The following HPGDS variants were observed in gnomAD, a reference collection of about 807,000 sequenced individuals.
The protein encoded by HPGDS is hematopoietic prostaglandin D synthase.
In HPGDS, 26 loss-of-function variants were observed where a neutral mutation model predicts 23.1. The ratio of observed to expected loss-of-function variants is 1.13; its 90% CI spans 0.83 to 1.56. HPGDS has a LOEUF of 1.56. HPGDS is among the 40% of genes most tolerant of loss of function. The pLI is 0.00. For synonymous variants in HPGDS, 95 were observed against 77.9 expected, an observed-to-expected ratio of 1.22 and a Z score of -1.16; for missense variants, 268 against 236.4, an observed-to-expected ratio of 1.13 and a Z score of -0.88.
chr4:94,311,619 C>T (rs1441746139), intron 3 of HPGDS, among the ~76,000 whole-genome samples: 1 of 151,176 alleles, frequency 6.6e-6, no homozygotes, highest in Non-Finnish European at 1.5e-5. Context: ...TGTGTCTCTG[C>T]CAGGCTTTGG....
chr4:94,325,315 G>T (rs1431321129), intron 2 of HPGDS, among the ~76,000 whole-genome samples: 1 of 152,210 alleles, frequency 6.6e-6, no homozygotes, highest in Non-Finnish European at 1.5e-5. Flanking sequence ...TCTCTTCAGA[G>T]CTGTCAGACA....
rs545635413 is a variant in HPGDS at position 94,299,570 on chromosome 4, G to A, written c.510C>T (p.Asn170=). Reference sequence around the variant, plus strand: ...TCCGTAAAGTCACCAGCCTTGGATGGTTGTCTAACAGGTCAGGCTTAAAGA... The same window carrying A: ...TCCGTAAAGTCACCAGCCTTGGATGATTGTCTAACAGGTCAGGCTTAAAGA... The part of the protein sequence containing the change: ...LLVFKPDLLD[N]HPRLVTLRKK... The change falls in exon 6 of 6, where the codon AAC becomes AAT. Residue 170 remains asparagine (N), a synonymous_variant. Transcript: ENST00000295256. 18 of 1,614,062 alleles carry A rather than the reference G, an allele frequency of 1.1e-5. No individual in the cohort carries two copies. The South Asian group carries it at 1.5e-4, about 14-fold the overall frequency.
At chr4:94,305,138 A>G (rs1756117022) in intron 4 of HPGDS, among the ~76,000 whole-genome samples, 1 of 152,148 alleles carries the variant, frequency 6.6e-6, no homozygotes, top group Non-Finnish European at 1.5e-5. Flanking sequence ...CCATAGGCAC[A>G]TATGCTAACA....
intron 2 of HPGDS, among the ~76,000 whole-genome samples, chr4:94,318,542 G>A (rs1756440922): frequency 6.6e-6 from 1 of 151,920 alleles, no homozygotes; most frequent in African/African-American, 2.4e-5. Flanking sequence ...GTTTCCAAAG[G>A]TCTTTTTATA....
chr4:94,340,311 C>CTTTCTTTCTTTTTCTTTTCTTTT, intron 1 of HPGDS, among the ~76,000 whole-genome samples: 3 of 23,686 alleles, frequency 1.3e-4, no homozygotes, highest in East Asian at 1.4e-3. Context: ...CTTTCTTTCT[C>CTTTCTTTCTTTTTCTTTTCTTTT]TTTTTTTTTT....
chr4:94,299,479 G>A lies in HPGDS; in HGVS notation c.*1C>T, dbSNP rs369587145. The stretch of plus-strand genomic sequence containing the variant: ...ACAAACTTGAAGGCAACATGGATCA[G>A]CTAGAGTTTGGTTTGGGGCCTTCGT... On this transcript the variant is annotated 3_prime_UTR_variant, in exon 6 of 6. Transcript: ENST00000295256. The A allele has an allele frequency of 1.9e-6, 3 of 1,608,084 alleles. No individual in the cohort carries two copies. The highest frequency in any genetic ancestry group is 2.7e-5 in the African/African-American group (2 of 74,644).
At chr4:94,314,716 G>A (rs189133115) in intron 3 of HPGDS, among the ~76,000 whole-genome samples, 156 of 152,274 alleles carry the variant, frequency 1.0e-3, no homozygotes, top group African/African-American at 3.6e-3. Flanking sequence ...CCTTTTGTTT[G>A]GCTATGCCCT....
At chr4:94,324,218 G>T (rs551508339) in intron 2 of HPGDS, among the ~76,000 whole-genome samples, 1 of 152,254 alleles carries the variant, frequency 6.6e-6, no homozygotes, top group South Asian at 2.1e-4. Flanking sequence ...CAACCTTGGT[G>T]AATCTGACGA....
chr4:94,319,834 C>A (rs146814734), intron 2 of HPGDS, among the ~76,000 whole-genome samples: 3,769 of 152,208 alleles, frequency 0.025, 107 homozygotes, highest in African/African-American at 0.075. Context: ...CATAGGTATA[C>A]ATGTGCCATG....
chr4:94,304,468 T>C (rs757283319), intron 4 of HPGDS, among the ~76,000 whole-genome samples: 6 of 152,252 alleles, frequency 3.9e-5, no homozygotes, highest in Non-Finnish European at 8.8e-5. Context: ...AAATTGTGTG[T>C]ATTTGGTAGA....
intron 2 of HPGDS, among the ~76,000 whole-genome samples, chr4:94,323,913 C>T (rs905855544): frequency 6.6e-6 from 1 of 152,100 alleles, no homozygotes; most frequent in Non-Finnish European, 1.5e-5. Flanking sequence ...TGTTTCTTTC[C>T]ATGTTTAGTG....
rs1755982326 is a variant in HPGDS, at chr4:94,299,202, C to T, written c.*278G>A. The stretch of plus-strand genomic sequence containing the variant: ...TGGTGTTGCTAAACCATTATGACTG[C>T]AATTCGTGCATGTTAGAACCTGTGC... On this transcript the variant is annotated 3_prime_UTR_variant, in exon 6 of 6. Coordinates refer to ENST00000295256, the MANE Select transcript of HPGDS (RefSeq NM_014485.3). 3.7e-6 allele frequency: 1 copy of T among 271,430 alleles called. No individual in the cohort carries two copies. The highest frequency in any genetic ancestry group is 6.9e-6 in the Non-Finnish European group (1 of 144,962). 16.8% of individuals were successfully genotyped at this position (271,430 alleles called of 1,614,324 possible).
chr4:94,340,305 CTTTCTCTTTTTT>C (rs1721120711), intron 1 of HPGDS, among the ~76,000 whole-genome samples: 3 of 26,200 alleles, frequency 1.1e-4, no homozygotes, highest in Admixed American at 6.2e-4. Context: ...TTCTTTCTTT[CTTTCTCTTTTTT>C]TTTTTTTTTT....
At position 94,340,322 on chromosome 4, in the gene HPGDS, T is replaced by TC. The variant is rs1560598082; in HGVS notation, c.-10+2472_-10+2473insG. Among the ~76,000 whole-genome samples the TC allele has an allele frequency of 5.3e-3, 86 of 16,360 alleles. 1 individual carries two copies. The highest frequency in any genetic ancestry group is 0.011 in the East Asian group (9 of 790). 10.7% of individuals were successfully genotyped at this position (16,360 alleles called of 152,430 possible). On this transcript the variant is annotated intron_variant, in intron 1 of 5. Transcript: ENST00000295256. ...CTTTCTTTCTTTCTCTTTTTTTTTT[T>TC]TTTTTTTTTTTTTTTTTTTTTTTTT...
chr4:94,331,969 C>G (rs1189972291), intron 2 of HPGDS, among the ~76,000 whole-genome samples: 2 of 152,134 alleles, frequency 1.3e-5, no homozygotes, highest in Non-Finnish European at 2.9e-5. Context: ...TGCCTGCTGT[C>G]TCCTGATTGG....
intron 2 of HPGDS, among the ~76,000 whole-genome samples, chr4:94,330,149 A>G (rs1756709980): frequency 6.6e-6 from 1 of 152,244 alleles, no homozygotes; most frequent in African/African-American, 2.4e-5. Flanking sequence ...ATGAGCACTC[A>G]AGGAAGAAAA....
chr4:94,312,764 G>A (rs1349332191), intron 3 of HPGDS, among the ~76,000 whole-genome samples: 2 of 151,984 alleles, frequency 1.3e-5, no homozygotes, highest in Admixed American at 6.6e-5. Context: ...TTATTGTATG[G>A]GAATCTCAGT....
At position 94,317,877 on chromosome 4, in the gene HPGDS, GT is replaced by G; in HGVS notation, c.221del (p.Asn74ThrfsTer38). The part of the protein sequence containing the change: ...SLAIARYLTK[N>X]TDLAGNTEME... ...TAAGCACAATAAACATGTTACCTGT[GT>G]TTTTGGTCAAATATCTTGCTATTGC... is the stretch of plus-strand genomic sequence containing the variant. On this transcript the variant is annotated frameshift_variant, in exon 3 of 6. Coordinates refer to ENST00000295256, the MANE Select transcript of HPGDS (RefSeq NM_014485.3). LOFTEE classifies it high-confidence loss of function. The G allele has an allele frequency of 1.9e-6, 3 of 1,587,404 alleles. No homozygotes were observed. Among genetic ancestry groups the G allele is most frequent in the Non-Finnish European group, 2.6e-6 (3 of 1,157,054 alleles).
intron 3 of HPGDS, among the ~76,000 whole-genome samples, chr4:94,314,412 C>G (rs755733436): frequency 1.2e-4 from 19 of 152,300 alleles, no homozygotes; most frequent in Middle Eastern, 3.4e-3. Context: ...CACTCCGGAC[C>G]CTTTTTGCCT....
Sources: gnomAD v4.1 joint callset for allele counts (sites outside exome capture counted in the v4.1 genomes callset) on GRCh38, gnomAD v4.1.1 for gene constraint, MANE v1.5 for transcripts, NCBI Gene and HGNC (gene_info 2026-07-23, HGNC 2026-07-21) for gene names.